FAM3C: variants seen among roughly 807,000 people sequenced by gnomAD.
FAM3C encodes the protein FAM3 metabolism regulating signaling molecule C.
A neutral mutation model predicts 32.5 loss-of-function variants in FAM3C; 15 were observed. That is an observed-to-expected ratio of 0.46 (90% CI 0.31 to 0.71). FAM3C has a LOEUF of 0.71. FAM3C is among the 30% of genes least tolerant of loss of function. The pLI, the probability that FAM3C is intolerant of heterozygous loss-of-function variation, is 0.05. For missense variants in FAM3C, 175 were observed against 274.4 expected, an observed-to-expected ratio of 0.64 and a Z score of 2.56; for synonymous variants, 75 against 86.1, an observed-to-expected ratio of 0.87 and a Z score of 0.72.
intron 1 of FAM3C, among the ~76,000 whole-genome samples, chr7:121,390,848 T>TGGGGTGGGGGGGGGGG (rs1040925027): frequency 6.6e-4 from 1 of 1,506 alleles, no homozygotes; most frequent in African/African-American, 1.9e-3. Context: ...AAAGGCTGTG[T>TGGGGTGGGGGGGGGGG]GGGGCGGGGG....
At position 121,362,944 on chromosome 7, in the gene FAM3C, T is replaced by G. The variant is rs942204454; in HGVS notation, c.335A>C (p.Lys112Thr). 2.7e-6 allele frequency: 4 copies of G among 1,480,092 alleles called. No homozygotes were observed. In the African/African-American group the frequency reaches 5.6e-5, roughly 21 times the overall value. The allele number at this position is 1,480,092 out of a possible 1,614,324, so 91.7% of individuals were successfully genotyped here. Residue 112 changes from lysine to threonine, a missense_variant, in exon 7 of 10, where the codon AAA becomes ACA. Transcript: ENST00000359943. ...TTTAGTGTCTAATACTTCTCCTGTT[T>G]TTCCTAAAAGAGATTAAATTCATAT... ...RGINVALANG[K>T]TGEVLDTKYF...
intron 7 of FAM3C, among the ~76,000 whole-genome samples, chr7:121,360,859 C>T (rs1270871658): frequency 6.6e-6 from 1 of 151,566 alleles, no homozygotes; most frequent in Non-Finnish European, 1.5e-5. Context: ...AAAACAAAAA[C>T]GAAACGAAAA....
Position 121,351,190 on chromosome 7 carries a change from C to G in FAM3C, c.547G>C (p.Val183Leu). Residue 183 changes from valine (V) to leucine (L), a missense_variant, in exon 9 of 10, where the codon GTC becomes CTC. Coordinates refer to ENST00000359943, the MANE Select transcript of FAM3C (RefSeq NM_014888.3). Reference sequence around the variant, plus strand: ...TTAATGCCCTTCCCACCACAGAAGACCCAGTTGTCTCTAAAACCAAGATTA... The same window carrying G: ...TTAATGCCCTTCCCACCACAGAAGAGCCAGTTGTCTCTAAAACCAAGATTA... The part of the protein sequence containing the change: ...ITNLGFRDNW[V>L]FCGGKGIKTK... The G allele has an allele frequency of 6.2e-7, 1 of 1,613,696 alleles. No homozygotes were observed. The highest frequency in any genetic ancestry group is 1.1e-5 in the South Asian group (1 of 91,048).
intron 1 of FAM3C, 35 bp from the exon 2 acceptor site, chr7:121,383,045 C>CTTTTTGT: frequency 8.6e-7 from 1 of 1,160,604 alleles, no homozygotes; most frequent in Non-Finnish European, 1.3e-6. Context: ...ATATCATTAG[C>CTTTTTGT]TCTAGAGCAA....
intron 2 of FAM3C, among the ~76,000 whole-genome samples, chr7:121,380,919 C>T (rs939284510): frequency 1.3e-5 from 2 of 151,914 alleles, no homozygotes; most frequent in Non-Finnish European, 2.9e-5. Flanking sequence ...AACTAGTCAG[C>T]GGCAACATTG....
intron 3 of FAM3C, among the ~76,000 whole-genome samples, chr7:121,372,563 C>T (rs929732828): frequency 7.9e-5 from 12 of 152,070 alleles, no homozygotes; most frequent in Non-Finnish European, 1.2e-4. Flanking sequence ...ATGAATCTAT[C>T]TTAGTGGTGA....
Position 121,364,190 on chromosome 7 carries a change from T to C in FAM3C, c.273-2A>G. On this transcript the variant is annotated splice_acceptor_variant, in intron 5 of 9. Coordinates refer to ENST00000359943, the MANE Select transcript of FAM3C (RefSeq NM_014888.3). LOFTEE classifies it high-confidence loss of function. ...TTATTCTTAACACCACTCATTAAAC[T>C]GAAGGGGGAGAAATTGAAATAAATT... 2 of 1,569,562 alleles carry C rather than the reference T, an allele frequency of 1.3e-6. No homozygotes were observed. Among genetic ancestry groups the C allele is most frequent in the Non-Finnish European group, 1.8e-6 (2 of 1,140,712 alleles).
intron 5 of FAM3C, 51 bp from the exon 6 acceptor site, chr7:121,364,239 C>T (rs1793980652): frequency 8.4e-7 from 1 of 1,187,844 alleles, no homozygotes; most frequent in Non-Finnish European, 1.2e-6. Context: ...TGTACAATAA[C>T]ATATCAGAAA....
At chr7:121,358,784 A>G (rs934589673) in intron 8 of FAM3C, among the ~76,000 whole-genome samples, 4 of 152,062 alleles carry the variant, frequency 2.6e-5, no homozygotes, top group African/African-American at 4.8e-5. Context: ...AGAAAAATAC[A>G]TAGACTATAT....
chr7:121,383,160 G>A, intron 1 of FAM3C, 150 bp from the exon 2 acceptor site: 1 of 538,286 alleles, frequency 1.9e-6, no homozygotes, highest in Non-Finnish European at 3.2e-6. Context: ...AAAAAAATGG[G>A]CCTGTCTTCC....
intron 1 of FAM3C, among the ~76,000 whole-genome samples, chr7:121,385,783 T>G (rs1328317565): frequency 6.6e-6 from 1 of 152,194 alleles, no homozygotes; most frequent in Non-Finnish European, 1.5e-5. Context: ...GGAGGGGGAT[T>G]TCTTGCCAGT....
chr7:121,380,733 TTA>T lies in FAM3C; in HGVS notation c.14-1721_14-1720del, dbSNP rs66579763. ...TTTAAAAAAGCTATATACAAACATTTTATATATATATATATATATATATGACA... is the reference window on the plus strand; with the variant it reads ...TTTAAAAAAGCTATATACAAACATTTTATATATATATATATATATATGACA... On this transcript the variant is annotated intron_variant, in intron 2 of 9. Transcript: ENST00000359943. Among the ~76,000 whole-genome samples, 843 of 133,818 alleles carry T rather than the reference TTA, an allele frequency of 6.3e-3. 11 individuals are homozygous for T. Among genetic ancestry groups the T allele is most frequent in the African/African-American group, 0.015 (552 of 36,662 alleles). The allele number at this position is 133,818 out of a possible 152,430, so 87.8% of individuals were successfully genotyped here.
chr7:121,353,834 T>A (rs918433117), intron 8 of FAM3C, among the ~76,000 whole-genome samples: 1 of 152,240 alleles, frequency 6.6e-6, no homozygotes, highest in African/African-American at 2.4e-5. Context: ...CCAGACTTTG[T>A]CCCATGAACC....
chr7:121,394,778 C>G (rs1193911502), intron 1 of FAM3C, among the ~76,000 whole-genome samples: 3 of 152,192 alleles, frequency 2.0e-5, no homozygotes, highest in Admixed American at 6.5e-5. Context: ...AGGTACAGGT[C>G]GATGAAGTGA....
chr7:121,388,400 G>GA (rs1187407464), intron 1 of FAM3C, among the ~76,000 whole-genome samples: 1 of 151,780 alleles, frequency 6.6e-6, no homozygotes, highest in South Asian at 2.1e-4. Flanking sequence ...TTTGAAAAGG[G>GA]AAAAAAAGGA....
chr7:121,364,122 G>A lies in FAM3C; in HGVS notation c.331+8C>T, dbSNP rs1338026224. On this transcript the variant is annotated splice_region_variant and intron_variant, in intron 6 of 9. Coordinates refer to ENST00000359943, the MANE Select transcript of FAM3C (RefSeq NM_014888.3). ...ATTACATCCATAAGCTAAAATAATT[G>A]TTCTTACCATTTGCCAAGGCAACAT... 2 of 1,571,814 alleles carry A rather than the reference G, an allele frequency of 1.3e-6. No homozygotes were observed. Among genetic ancestry groups the A allele is most frequent in the Non-Finnish European group, 8.8e-7 (1 of 1,142,168 alleles).
At chr7:121,364,853 G>A (rs1252909924) in intron 5 of FAM3C, among the ~76,000 whole-genome samples, 1 of 152,008 alleles carries the variant, frequency 6.6e-6, no homozygotes, top group Non-Finnish European at 1.5e-5. Context: ...CAAATTTGCT[G>A]GTTATCAGTT....
At chr7:121,360,614 C>A (rs1035550425) in intron 7 of FAM3C, among the ~76,000 whole-genome samples, 1 of 152,124 alleles carries the variant, frequency 6.6e-6, no homozygotes, top group African/African-American at 2.4e-5. Context: ...TGGGGGATGG[C>A]TTGAGCCCAG....
At chr7:121,359,414 G>A (rs938691854) in intron 8 of FAM3C, among the ~76,000 whole-genome samples, 2 of 150,814 alleles carry the variant, frequency 1.3e-5, no homozygotes, top group Non-Finnish European at 2.9e-5. Flanking sequence ...CCACGTAAGT[G>A]AAGAGATATG....
Sources: gnomAD v4.1 joint callset for allele counts (sites outside exome capture counted in the v4.1 genomes callset) on GRCh38, gnomAD v4.1.1 for gene constraint, MANE v1.5 for transcripts, NCBI Gene and HGNC (gene_info 2026-07-23, HGNC 2026-07-21) for gene names.